Variants in DMD observed in about 807,000 individuals in gnomAD.
DMD encodes mutant dystrophin.
DMD carries 63 observed loss-of-function variants against 330.1 expected under a neutral mutation model. That is an observed-to-expected ratio of 0.19 (90% CI 0.16 to 0.24). The LOEUF (loss-of-function observed/expected upper bound fraction) is 0.24, where lower values mean the gene tolerates loss of function less well. Among genes scored for constraint, DMD ranks in the 10% least tolerant of loss-of-function variants. DMD has a pLI of 1.00. For synonymous variants in DMD, 1,223 were observed against 959.8 expected, an observed-to-expected ratio of 1.27 and a Z score of -5.07; for missense variants, 3,344 against 2,684.1, an observed-to-expected ratio of 1.25 and a Z score of -5.43.
intron 74 of DMD, among the ~76,000 whole-genome samples, chrX:31,150,251 C>T (rs2037245711): frequency 1.8e-5 from 2 of 111,881 alleles, no homozygotes; most frequent in Admixed American, 1.9e-4. Context: ...GTTGTTCTTG[C>T]ACTGTTTCTA....
chrX:32,349,423 T>C (rs1177782549), intron 37 of DMD, among the ~76,000 whole-genome samples: 1 of 111,430 alleles, frequency 9.0e-6, no homozygotes, highest in African/African-American at 3.2e-5. Flanking sequence ...AACCCATAGA[T>C]GACATACAGA....
At chrX:31,982,488 A>G (rs2095481968) in intron 44 of DMD, among the ~76,000 whole-genome samples, 2 of 111,928 alleles carry the variant, frequency 1.8e-5, no homozygotes, top group South Asian at 7.4e-4. Context: ...CTGTATCAAT[A>G]TCCAGAAAAA....
chrX:31,984,237 G>T (rs2095495406), intron 44 of DMD, among the ~76,000 whole-genome samples: 2 of 111,535 alleles, frequency 1.8e-5, no homozygotes, highest in South Asian at 7.4e-4. Context: ...AAACAATGTG[G>T]ATCAAAAAAG....
rs146184750 is a variant in DMD, at chrX:31,910,347, T to C, written c.6912+19249A>G. On this transcript the variant is annotated intron_variant, in intron 47 of 78. Transcript: ENST00000357033. The stretch of plus-strand genomic sequence containing the variant: ...TGTTCTAGACTGCTGTTTGGCACAG[T>C]CTTAGGTTATTCTCCTTCTAACAGT... Among the ~76,000 whole-genome samples the C allele has an allele frequency of 1.5e-3, 167 of 111,065 alleles. 1 individual carries two copies. Among genetic ancestry groups the C allele is most frequent in the Middle Eastern group, 0.014 (3 of 210 alleles).
At chrX:31,699,751 C>T (rs1476020927) in intron 52 of DMD, among the ~76,000 whole-genome samples, 2 of 111,630 alleles carry the variant, frequency 1.8e-5, no homozygotes, top group East Asian at 5.6e-4. Flanking sequence ...CTTTGAAGGG[C>T]ATCAGAAAAT....
chrX:32,592,961 T>A (rs1486212942), intron 13 of DMD, among the ~76,000 whole-genome samples: 1 of 113,033 alleles, frequency 8.8e-6, no homozygotes, highest in African/African-American at 3.2e-5. Context: ...GTAGCTGCCT[T>A]CCGCTGCAGC....
intron 41 of DMD, among the ~76,000 whole-genome samples, chrX:32,333,105 T>C (rs918381559): frequency 8.9e-6 from 1 of 111,827 alleles, no homozygotes; most frequent in African/African-American, 3.2e-5. Context: ...TCATGTTTCA[T>C]TGATGTCCAG....
intron 7 of DMD, among the ~76,000 whole-genome samples, chrX:32,710,111 G>T (rs1238492539): frequency 2.7e-5 from 3 of 110,986 alleles, no homozygotes; most frequent in African/African-American, 9.9e-5. Context: ...ATTCAGTTTG[G>T]TATAGAATTA....
intron 62 of DMD, among the ~76,000 whole-genome samples, chrX:31,295,087 C>A (rs2054066460): frequency 9.0e-6 from 1 of 111,059 alleles, no homozygotes; most frequent in African/African-American, 3.3e-5. Context: ...AGCTCCAGCC[C>A]CGGGTTCACG....
chrX:32,550,513 G>C (rs894250063), intron 16 of DMD, among the ~76,000 whole-genome samples: 1 of 110,926 alleles, frequency 9.0e-6, no homozygotes, highest in African/African-American at 3.3e-5. Flanking sequence ...GCAAGCTTAT[G>C]GCACGAAACA....
intron 60 of DMD, among the ~76,000 whole-genome samples, chrX:31,432,712 C>T (rs754079853): frequency 3.0e-4 from 34 of 111,982 alleles, no homozygotes; most frequent in African/African-American, 9.7e-4. Context: ...GCTGTGTGAA[C>T]TATGAACTAT....
In DMD at chrX:33,010,062, A is replaced by G. The variant is rs778662962; in HGVS notation, c.93+10077T>C. Reference sequence around the variant, plus strand: ...TATACACATGTGTATATATACGTGTATATATACACAAATGTGCACATGTGT... The same window carrying G: ...TATACACATGTGTATATATACGTGTGTATATACACAAATGTGCACATGTGT... On this transcript the variant is annotated intron_variant, in intron 2 of 78. Transcript: ENST00000357033. Among the ~76,000 whole-genome samples, 14 of 34,472 alleles carry G rather than the reference A, an allele frequency of 4.1e-4. 2 individuals are homozygous for G. The South Asian group carries it at 9.2e-3, about 23-fold the overall frequency. The allele number at this position is 34,472 out of a possible 115,157, so 29.9% of individuals were successfully genotyped here. A position where few individuals can be genotyped will look rare whatever the true frequency, so the allele number is the denominator to read the frequency against.
intron 44 of DMD, among the ~76,000 whole-genome samples, chrX:32,096,243 A>G (rs1413343171): frequency 8.9e-6 from 1 of 111,907 alleles, no homozygotes; most frequent in Non-Finnish European, 1.9e-5. Context: ...CAAATGTAAC[A>G]CGCCCAATGC....
intron 18 of DMD, chrX:32,517,790 T>C (rs1354282715): frequency 4.5e-6 from 2 of 443,721 alleles, no homozygotes; most frequent in Non-Finnish European, 7.9e-6. Flanking sequence ...GGCAAGTTTA[T>C]GAAAGGCATC....
At chrX:32,728,704 A>G (rs182816514) in intron 7 of DMD, among the ~76,000 whole-genome samples, 1 of 112,468 alleles carries the variant, frequency 8.9e-6, no homozygotes, top group Admixed American at 9.4e-5. Flanking sequence ...AATATAATGC[A>G]TAGAAAATAG....
At chrX:31,560,747 G>A (rs1163437314) in intron 55 of DMD, among the ~76,000 whole-genome samples, 1 of 109,277 alleles carries the variant, frequency 9.2e-6, no homozygotes, top group African/African-American at 3.4e-5. Context: ...CCTATATGAT[G>A]ATCCACTTCC....
At chrX:32,168,029 T>C (rs1399338680) in intron 44 of DMD, among the ~76,000 whole-genome samples, 1 of 112,763 alleles carries the variant, frequency 8.9e-6, no homozygotes, top group African/African-American at 3.2e-5. Context: ...TCTTCACTGC[T>C]GCATCTTTTT....
At chrX:31,940,185 T>C (rs917396459) in intron 45 of DMD, among the ~76,000 whole-genome samples, 2 of 111,167 alleles carry the variant, frequency 1.8e-5, no homozygotes, top group African/African-American at 6.5e-5. Context: ...GGGATGGAAA[T>C]ATTGAGGGGA....
At chrX:33,008,916 GTA>G (rs1167126916) in intron 2 of DMD, among the ~76,000 whole-genome samples, 2 of 79,939 alleles carry the variant, frequency 2.5e-5, no homozygotes, top group African/African-American at 8.2e-5. Flanking sequence ...ACTCATATAT[GTA>G]TATATACATG....
Sources: gnomAD v4.1 joint callset for allele counts (sites outside exome capture counted in the v4.1 genomes callset) on GRCh38, gnomAD v4.1.1 for gene constraint, MANE v1.5 for transcripts, NCBI Gene and HGNC (gene_info 2026-07-23, HGNC 2026-07-21) for gene names.